Variants in ACTR3B observed in about 807,000 individuals in gnomAD.
The protein encoded by ACTR3B is actin-related protein 3B.
ACTR3B carries 8 observed loss-of-function variants against 59.0 expected under a neutral mutation model. The observed-to-expected ratio is 0.14, with a 90% CI of 0.08 to 0.24. The LOEUF (loss-of-function observed/expected upper bound fraction) is 0.24, where lower values mean the gene tolerates loss of function less well. Ranked by LOEUF, ACTR3B falls within the 10% of genes least tolerant of loss-of-function variation. ACTR3B has a pLI of 1.00. For synonymous variants in ACTR3B, 148 were observed against 197.9 expected (o/e 0.75, Z 2.12); for missense variants, 245 against 552.3 (o/e 0.44, Z 5.58).
intron 2 of ACTR3B, among the ~76,000 whole-genome samples, chr7:152,799,837 C>A (rs537248886): frequency 6.6e-6 from 1 of 152,248 alleles, no homozygotes; most frequent in East Asian, 1.9e-4. Flanking sequence ...GTGATGCCCT[C>A]CACATTTCAT....
Position 152,814,659 on chromosome 7 carries a change from C to G in ACTR3B, c.432+14C>G, listed in dbSNP as rs34180751. 12 of 1,603,128 alleles carry G rather than the reference C, an allele frequency of 7.5e-6. No individual in the cohort carries two copies. The highest frequency in any genetic ancestry group is 9.4e-6 in the Non-Finnish European group (11 of 1,171,160). ...ATTGCAGTTCAGGTAAAACCAGTTA[C>G]GTTTGTGATTCCTAAAGCACCTGAG... On this transcript the variant is annotated intron_variant, in intron 5 of 11. Coordinates refer to ENST00000256001, the MANE Select transcript of ACTR3B (RefSeq NM_020445.6).
chr7:152,849,979 C>T (rs1170483971), intron 9 of ACTR3B, among the ~76,000 whole-genome samples: 2 of 151,890 alleles, frequency 1.3e-5, no homozygotes, highest in Non-Finnish European at 2.9e-5. Context: ...GGTCACTTCT[C>T]CAGGTGGAAG....
chr7:152,817,961 TC>T (rs1795841741), intron 6 of ACTR3B, among the ~76,000 whole-genome samples: 1 of 152,200 alleles, frequency 6.6e-6, no homozygotes, highest in Admixed American at 6.5e-5. Context: ...TACCTTGTAC[TC>T]CTGGCTACGT....
At chr7:152,794,597 G>A (rs1303457825) in intron 2 of ACTR3B, among the ~76,000 whole-genome samples, 1 of 152,038 alleles carries the variant, frequency 6.6e-6, no homozygotes, top group Admixed American at 6.6e-5. Flanking sequence ...TAGAGGATAG[G>A]ATCTGTCACT....
At chr7:152,766,636 C>A (rs947394457) in intron 1 of ACTR3B, among the ~76,000 whole-genome samples, 4 of 152,106 alleles carry the variant, frequency 2.6e-5, no homozygotes, top group Non-Finnish European at 5.9e-5. Flanking sequence ...AATATATTTC[C>A]CCTATTTATC....
At chr7:152,773,977 A>G (rs2098130452) in intron 1 of ACTR3B, among the ~76,000 whole-genome samples, 1 of 152,188 alleles carries the variant, frequency 6.6e-6, no homozygotes, top group Admixed American at 6.5e-5. Context: ...TTAAGGATCT[A>G]GGGAGTGTGT....
At position 152,789,865 on chromosome 7, in the gene ACTR3B, C is replaced by T. The variant is rs1307377346; in HGVS notation, c.100+6623C>T. ...AATGCTTTTTCAGATTAAAACAGTG[C>T]TCTTCTATTCCTAGTTTAATCTGAG... On this transcript the variant is annotated intron_variant, in intron 2 of 11. Transcript: ENST00000256001. Among the ~76,000 whole-genome samples the T allele has an allele frequency of 2.0e-4, 30 of 151,748 alleles. No homozygotes were observed. The South Asian group carries it at 5.0e-3, about 25-fold the overall frequency.
At chr7:152,843,675 C>T (rs1323020828) in intron 9 of ACTR3B, among the ~76,000 whole-genome samples, 3 of 152,272 alleles carry the variant, frequency 2.0e-5, no homozygotes, top group Admixed American at 6.5e-5. Context: ...CAAGTAATTG[C>T]ACAGTCTTAC....
intron 1 of ACTR3B, among the ~76,000 whole-genome samples, chr7:152,779,859 G>T (rs1040997407): frequency 6.6e-6 from 1 of 152,158 alleles, no homozygotes; most frequent in South Asian, 2.1e-4. Context: ...TTTGTTTGAT[G>T]TTTGTTACAT....
chr7:152,853,384 C>T lies in ACTR3B; in HGVS notation c.1078-110C>T, dbSNP rs1233168670. The T allele has an allele frequency of 8.0e-6, 7 of 875,634 alleles. No individual in the cohort carries two copies. The East Asian group carries it at 1.9e-4, about 23-fold the overall frequency. 54.2% of individuals were successfully genotyped at this position (875,634 alleles called of 1,614,324 possible). ...TGCTGGGTGTGAGGTGGTGCTCGTG[C>T]CATAAGAGGAGGGCGGCCCTGGGTG... On this transcript the variant is annotated intron_variant, in intron 10 of 11. Coordinates refer to ENST00000256001, the MANE Select transcript of ACTR3B (RefSeq NM_020445.6).
intron 9 of ACTR3B, among the ~76,000 whole-genome samples, chr7:152,835,960 C>T (rs552084553): frequency 6.7e-6 from 1 of 148,666 alleles, no homozygotes; most frequent in South Asian, 2.2e-4. Context: ...ACGAGAGGCA[C>T]GGCAGGCTAT....
At chr7:152,769,923 C>T (rs1372198895) in intron 1 of ACTR3B, among the ~76,000 whole-genome samples, 1 of 149,478 alleles carries the variant, frequency 6.7e-6, no homozygotes, top group Non-Finnish European at 1.5e-5. Context: ...TAGTAGTCAA[C>T]AAATTTATTA....
chr7:152,791,218 C>T (rs1207115639), intron 2 of ACTR3B, among the ~76,000 whole-genome samples: 1 of 151,936 alleles, frequency 6.6e-6, no homozygotes, highest in East Asian at 1.9e-4. Context: ...ATTGTGTTGC[C>T]CAGTCTGGTC....
At chr7:152,776,730 C>G (rs2098137027) in intron 1 of ACTR3B, among the ~76,000 whole-genome samples, 1 of 152,264 alleles carries the variant, frequency 6.6e-6, no homozygotes, top group African/African-American at 2.4e-5. Flanking sequence ...ATGAAGAAAC[C>G]AAGGAATGAA....
chr7:152,793,422 C>T (rs1303692626), intron 2 of ACTR3B, among the ~76,000 whole-genome samples: 5 of 130,208 alleles, frequency 3.8e-5, no homozygotes, highest in East Asian at 2.3e-4. Flanking sequence ...TGTTTCTTTC[C>T]TCTGTCCTTT....
chr7:152,828,239 T>G (rs2116892458), intron 9 of ACTR3B, among the ~76,000 whole-genome samples: 1 of 152,098 alleles, frequency 6.6e-6, no homozygotes, highest in South Asian at 2.1e-4. Context: ...AAGTCAGTGC[T>G]GCCTTTAGGA....
chr7:152,774,072 A>G (rs1241007583), intron 1 of ACTR3B, among the ~76,000 whole-genome samples: 3 of 152,182 alleles, frequency 2.0e-5, no homozygotes, highest in Non-Finnish European at 4.4e-5. Context: ...TTCAGGGCCA[A>G]AATCTTGCTG....
intron 1 of ACTR3B, among the ~76,000 whole-genome samples, chr7:152,773,471 C>T (rs1372381377): frequency 6.6e-6 from 1 of 151,874 alleles, no homozygotes; most frequent in African/African-American, 2.4e-5. Flanking sequence ...CCTGTAATAC[C>T]AGCTACTCAG....
At chr7:152,767,093 GTT>G (rs59830659) in intron 1 of ACTR3B, among the ~76,000 whole-genome samples, 62,559 of 141,638 alleles carry the variant, frequency 0.44, 14,121 homozygotes, top group Non-Finnish European at 0.5. Flanking sequence ...CAGCTGGTAG[GTT>G]TTTTTTTTTT....
Sources: gnomAD v4.1 joint callset for allele counts (sites outside exome capture counted in the v4.1 genomes callset) on GRCh38, gnomAD v4.1.1 for gene constraint, MANE v1.5 for transcripts, NCBI Gene and HGNC (gene_info 2026-07-23, HGNC 2026-07-21) for gene names.